Variants in HHIP observed in about 807,000 individuals in gnomAD.
HHIP encodes hedgehog interacting protein.
In HHIP, 12 loss-of-function variants were observed where a neutral mutation model predicts 74.0. That is an observed-to-expected ratio of 0.16 (90% CI 0.10 to 0.26). The LOEUF (loss-of-function observed/expected upper bound fraction) is 0.26, where lower values mean the gene tolerates loss of function less well. Ranked by LOEUF, HHIP falls within the 10% of genes least tolerant of loss-of-function variation. The probability of loss-of-function intolerance (pLI) is 1.00; values close to 1 mark genes in which losing one functional copy is unlikely to be tolerated. For missense variants in HHIP, 788 were observed against 845.0 expected, an observed-to-expected ratio of 0.93 and a Z score of 0.84; for synonymous variants, 309 against 311.6, an observed-to-expected ratio of 0.99 and a Z score of 0.09.
intron 11 of HHIP, among the ~76,000 whole-genome samples, chr4:144,721,790 C>A (rs543903555): frequency 1.1e-4 from 16 of 151,828 alleles, no homozygotes; most frequent in African/African-American, 3.4e-4. Flanking sequence ...GTAATCCCAG[C>A]TACTCAGTAG....
At chr4:144,697,851 T>C (rs1024233573) in intron 4 of HHIP, among the ~76,000 whole-genome samples, 4 of 152,020 alleles carry the variant, frequency 2.6e-5, no homozygotes, top group African/African-American at 9.7e-5. Flanking sequence ...AACTAGAAAT[T>C]CTAGAAAATA....
At chr4:144,680,279 T>C (rs567016218) in intron 4 of HHIP, among the ~76,000 whole-genome samples, 1 of 152,336 alleles carries the variant, frequency 6.6e-6, no homozygotes, top group South Asian at 2.1e-4. Flanking sequence ...CCATAGCCAT[T>C]CTAAAAGCAA....
chr4:144,743,026 T>C lies in HHIP; in HGVS notation c.*5069T>C, dbSNP rs904909988. 1 of 129,158 alleles carries C rather than the reference T, an allele frequency of 7.7e-6. No individual in the cohort carries two copies. The highest frequency in any genetic ancestry group is 2.8e-5 in the African/African-American group (1 of 35,524). 8.0% of individuals were successfully genotyped at this position (129,158 alleles called of 1,614,324 possible). On this transcript the variant is annotated 3_prime_UTR_variant, in exon 13 of 13. Coordinates refer to ENST00000296575, the MANE Select transcript of HHIP (RefSeq NM_022475.3). ...ATATATATATTATATATATATAATA[T>C]ATATCTTATATATATATATATCTTA...
intron 4 of HHIP, among the ~76,000 whole-genome samples, chr4:144,687,609 G>A (rs934896148): frequency 1.2e-4 from 18 of 152,038 alleles, no homozygotes; most frequent in African/African-American, 3.4e-4. Context: ...CATTCTGTGT[G>A]GAGTTGCCCT....
In HHIP at chr4:144,646,601, G is replaced by A. The variant is rs569040674; in HGVS notation, c.-75G>A. On this transcript the variant is annotated 5_prime_UTR_variant, in exon 1 of 13. Transcript: ENST00000296575. ...CCCCGCAAACTCCTCCTGGAGCTGC[G>A]CCCTAGTGCCCCTGCTGGGCAGTGG... The A allele has an allele frequency of 2.0e-6, 3 of 1,476,976 alleles. No homozygotes were observed. The highest frequency in any genetic ancestry group is 2.3e-5 in the East Asian group (1 of 44,044). 91.5% of individuals were successfully genotyped at this position (1,476,976 alleles called of 1,614,324 possible).
chr4:144,697,119 A>G (rs1168581833), intron 4 of HHIP, among the ~76,000 whole-genome samples: 1 of 151,940 alleles, frequency 6.6e-6, no homozygotes, highest in Admixed American at 6.6e-5. Context: ...AGCTTTTTCT[A>G]ATTGTAATTT....
intron 8 of HHIP, among the ~76,000 whole-genome samples, chr4:144,712,367 G>T (rs1730329580): frequency 6.6e-6 from 1 of 152,116 alleles, no homozygotes. Context: ...GAATCAAGAT[G>T]AATAAGTTCT....
chr4:144,650,574 G>A (rs1241178053), intron 1 of HHIP: 3 of 152,044 alleles, frequency 2.0e-5, no homozygotes, highest in Admixed American at 2.0e-4. Context: ...TGCAGCTTTG[G>A]CTGAGTCAGT....
chr4:144,671,679 A>T (rs1466783348), intron 4 of HHIP, among the ~76,000 whole-genome samples: 1 of 152,160 alleles, frequency 6.6e-6, no homozygotes, highest in Non-Finnish European at 1.5e-5. Context: ...GGCCTCATCT[A>T]TGAAGTCAAA....
intron 11 of HHIP, among the ~76,000 whole-genome samples, chr4:144,726,380 G>A (rs555959282): frequency 6.6e-6 from 1 of 152,120 alleles, no homozygotes; most frequent in African/African-American, 2.4e-5. Context: ...CAGAGGGAGA[G>A]AATGAATGAG....
chr4:144,708,527 C>T (rs531512188), intron 7 of HHIP, among the ~76,000 whole-genome samples: 3 of 152,084 alleles, frequency 2.0e-5, no homozygotes, highest in Non-Finnish European at 2.9e-5. Flanking sequence ...GATTAGACAA[C>T]GAAAAGGACA....
intron 1 of HHIP, among the ~76,000 whole-genome samples, chr4:144,651,230 T>C (rs1460285339): frequency 6.6e-6 from 1 of 152,094 alleles, no homozygotes; most frequent in Non-Finnish European, 1.5e-5. Flanking sequence ...GCAATTGTTA[T>C]TTAAATAAAT....
intron 4 of HHIP, among the ~76,000 whole-genome samples, chr4:144,696,274 T>G (rs1169221250): frequency 6.7e-6 from 1 of 148,530 alleles, no homozygotes; most frequent in Non-Finnish European, 1.5e-5. Context: ...AATCTGCACC[T>G]CTTTTTTTTT....
At chr4:144,712,898 G>C (rs1308888178) in intron 8 of HHIP, among the ~76,000 whole-genome samples, 1 of 149,252 alleles carries the variant, frequency 6.7e-6, no homozygotes, top group Non-Finnish European at 1.5e-5. Context: ...GTGTGTGTGT[G>C]TGTGTGTGTG....
chr4:144,646,865 G>A lies in HHIP; in HGVS notation c.190G>A (p.Gly64Arg), dbSNP rs200857549. ...RMMSQLELLS[G>R]GEMLCGGFYP... ...GATGTCCCAGCTGGAGCTGCTGAGT[G>A]GGGGAGAGATGCTGTGCGGTGGCTT... is the stretch of plus-strand genomic sequence containing the variant. Residue 64 changes from glycine (G) to arginine (R), a missense_variant, in exon 1 of 13, where the codon GGG becomes AGG. Physicochemically the swap from Gly to Arg is moderately radical, Grantham distance 125. Around this residue, in one of 3 missense-constraint regions of HHIP, gnomAD observed 373 missense variants for 366.4 expected, o/e 1.02. Coordinates refer to ENST00000296575, the MANE Select transcript of HHIP (RefSeq NM_022475.3). 6.2e-7 allele frequency: 1 copy of A among 1,614,216 alleles called. No individual in the cohort carries two copies. The highest frequency in any genetic ancestry group is 8.5e-7 in the Non-Finnish European group (1 of 1,180,036).
intron 6 of HHIP, 63 bp from the exon 7 acceptor site, chr4:144,708,105 T>G: frequency 6.6e-7 from 1 of 1,521,534 alleles, no homozygotes; most frequent in Non-Finnish European, 9.1e-7. Flanking sequence ...CCTCACCATA[T>G]TTAATATAGG....
chr4:144,659,003 G>A, intron 3 of HHIP, 57 bp downstream of exon 3: 1 of 1,458,696 alleles, frequency 6.9e-7, no homozygotes, highest in Non-Finnish European at 9.4e-7. Flanking sequence ...GACAAATCTT[G>A]TGGTTTTGAC....
Position 144,737,991 on chromosome 4 carries a change from G to A in HHIP, c.*34G>A. ...ACTGTTTGAATATTCTATTCCAATG[G>A]GCATTTATTTTTTATCCTGTCATTA... is the stretch of plus-strand genomic sequence containing the variant. On this transcript the variant is annotated 3_prime_UTR_variant, in exon 13 of 13. Transcript: ENST00000296575. 6.9e-7 allele frequency: 1 copy of A among 1,439,822 alleles called. No homozygotes were observed. The allele number at this position is 1,439,822 out of a possible 1,614,324, so 89.2% of individuals were successfully genotyped here. A position where few individuals can be genotyped will look rare whatever the true frequency, so the allele number is the denominator to read the frequency against.
rs558010585 is a variant in HHIP at position 144,653,181 on chromosome 4, T to C, written c.472+384T>C. On this transcript the variant is annotated intron_variant, in intron 2 of 12. Coordinates refer to ENST00000296575, the MANE Select transcript of HHIP (RefSeq NM_022475.3). ...TCTTCTTCTACATAGCTGATACATA[T>C]ATATATTGGAGAAAGTCCACTGACT... Among the ~76,000 whole-genome samples the C allele has an allele frequency of 2.0e-5, 3 of 152,252 alleles. No homozygotes were observed. In the East Asian group the frequency reaches 5.8e-4, roughly 29 times the overall value.
Sources: allele counts gnomAD v4.1 joint callset (sites outside exome capture counted in the v4.1 genomes callset), GRCh38; gene constraint gnomAD v4.1.1; regional missense constraint gnomAD v4.1.1; transcripts MANE v1.5; gene names NCBI Gene and HGNC (gene_info 2026-07-23, HGNC 2026-07-21).